Variants in PKNOX2 observed in about 807,000 individuals in gnomAD.
PKNOX2 encodes the protein PBX/knotted 1 homeobox 2.
Under a neutral mutation model 53.1 loss-of-function variants are expected in PKNOX2, and 14 were observed. That is an observed-to-expected ratio of 0.26 (90% CI 0.17 to 0.41). The LOEUF (loss-of-function observed/expected upper bound fraction) is 0.41. Among genes scored for constraint, PKNOX2 ranks in the 10% least tolerant of loss-of-function variants. The pLI is 1.00. For missense variants in PKNOX2, 496 were observed against 602.8 expected (o/e 0.82, Z 1.85); for synonymous variants, 257 against 242.8 (o/e 1.06, Z -0.54).
intron 1 of PKNOX2, among the ~76,000 whole-genome samples, chr11:125,199,093 G>A (rs1243278750): frequency 2.6e-5 from 4 of 152,000 alleles, no homozygotes; most frequent in Non-Finnish European, 4.4e-5. Context: ...TGCCCTCCTC[G>A]GCCTCCCAAA....
intron 2 of PKNOX2, among the ~76,000 whole-genome samples, chr11:125,246,024 G>T (rs2135637269): frequency 6.6e-6 from 1 of 152,324 alleles, no homozygotes; most frequent in Admixed American, 6.5e-5. Flanking sequence ...CCAGACCTCA[G>T]GAAGAAGAAC....
intron 7 of PKNOX2, among the ~76,000 whole-genome samples, chr11:125,406,380 G>A (rs1361592778): frequency 1.3e-5 from 2 of 152,164 alleles, no homozygotes; most frequent in East Asian, 1.9e-4. Flanking sequence ...CAGACAGGGA[G>A]ACATGTAGCC....
At chr11:125,379,304 C>T (rs1362875153) in intron 5 of PKNOX2, among the ~76,000 whole-genome samples, 1 of 152,096 alleles carries the variant, frequency 6.6e-6, no homozygotes, top group Non-Finnish European at 1.5e-5. Flanking sequence ...TAAGGTAATC[C>T]ACCCGCCTCA....
chr11:125,203,133 G>A (rs1477289326), intron 1 of PKNOX2, among the ~76,000 whole-genome samples: 1 of 152,074 alleles, frequency 6.6e-6, no homozygotes, highest in Non-Finnish European at 1.5e-5. Flanking sequence ...CCTCACCTCT[G>A]GCCTCTAAAT....
chr11:125,390,120 G>T (rs917892269), intron 6 of PKNOX2, among the ~76,000 whole-genome samples: 6 of 152,194 alleles, frequency 3.9e-5, no homozygotes, highest in Non-Finnish European at 8.8e-5. Context: ...AAAGGAAATG[G>T]GAATCCTCAA....
chr11:125,353,938 G>A (rs1246300660), intron 4 of PKNOX2, among the ~76,000 whole-genome samples: 1 of 152,122 alleles, frequency 6.6e-6, no homozygotes, highest in Non-Finnish European at 1.5e-5. Context: ...TGGGAGGGAT[G>A]GGGGAGCTGG....
chr11:125,362,495 T>C (rs932751171), intron 4 of PKNOX2, among the ~76,000 whole-genome samples: 1 of 152,090 alleles, frequency 6.6e-6, no homozygotes, highest in East Asian at 1.9e-4. Context: ...TGCCTCAGCC[T>C]CTCGAGTAGC....
chr11:125,399,720 G>A (rs1304769179), intron 7 of PKNOX2, among the ~76,000 whole-genome samples: 1 of 152,126 alleles, frequency 6.6e-6, no homozygotes, highest in Non-Finnish European at 1.5e-5. Context: ...AAATAATCAG[G>A]TCCTTGGAGA....
chr11:125,208,420 T>C (rs1011232916), intron 1 of PKNOX2, among the ~76,000 whole-genome samples: 1 of 152,048 alleles, frequency 6.6e-6, no homozygotes, highest in African/African-American at 2.4e-5. Context: ...TGCAAGTTTT[T>C]GATATAAGGA....
chr11:125,432,245 C>T lies in PKNOX2; in HGVS notation c.*853C>T, dbSNP rs1201080913. ...GAACTTAGCTCCTTTAACAACAGGACAATGGTTTTTTACCCTAGATGTTCC... is the reference window on the plus strand; with the variant it reads ...GAACTTAGCTCCTTTAACAACAGGATAATGGTTTTTTACCCTAGATGTTCC... On this transcript the variant is annotated 3_prime_UTR_variant, in exon 13 of 13. Transcript: ENST00000298282. The T allele has an allele frequency of 7.2e-6, 1 of 139,108 alleles. No homozygotes were observed. The highest frequency in any genetic ancestry group is 1.6e-5 in the Non-Finnish European group (1 of 61,900). 8.6% of individuals were successfully genotyped at this position (139,108 alleles called of 1,614,324 possible). A position where few individuals can be genotyped will look rare whatever the true frequency, so the allele number is the denominator to read the frequency against.
intron 2 of PKNOX2, among the ~76,000 whole-genome samples, chr11:125,310,208 A>C (rs12284715): frequency 0.23 from 35,388 of 151,900 alleles, 4,832 homozygotes; most frequent in East Asian, 0.51. Flanking sequence ...CATAAATAAT[A>C]CTATTAGGCC....
rs1479766416 is a variant in PKNOX2 at position 125,429,048 on chromosome 11, G to A, written c.973G>A (p.Ala325Thr). 8.1e-6 allele frequency: 13 copies of A among 1,613,766 alleles called. No homozygotes were observed. The highest frequency in any genetic ancestry group is 2.2e-5 in the East Asian group (1 of 44,888). The change falls in exon 11 of 13, where the codon GCA becomes ACA. Residue 325 changes from alanine (A) to threonine (T), a missense_variant. Coordinates refer to ENST00000298282, the MANE Select transcript of PKNOX2 (RefSeq NM_001382323.2). ...YPTEDEKRQI[A>T]AQTNLTLLQV... is the part of the protein sequence containing the mutation. ...CACGGAGGATGAGAAGAGGCAGATC[G>A]CAGCCCAGACCAACCTCACCCTCCT...
At position 125,422,674 on chromosome 11, in the gene PKNOX2, G is replaced by A. The variant is rs1201446251; in HGVS notation, c.937-6338G>A. On this transcript the variant is annotated intron_variant, in intron 10 of 12. Transcript: ENST00000298282. The surrounding 1 kb of genome is among the most constrained non-coding windows in gnomAD (Gnocchi z 4.1). ...GCAAGAGACCCCTGGGTTGCACTGA[G>A]CCCCAGGACACCCCAGAGGGCTGCA... is the stretch of plus-strand genomic sequence containing the variant. Among the ~76,000 whole-genome samples, 1 of 152,196 alleles carries A rather than the reference G, an allele frequency of 6.6e-6. No homozygotes were observed. Among genetic ancestry groups the A allele is most frequent in the African/African-American group, 2.4e-5 (1 of 41,436 alleles).
chr11:125,197,304 C>T (rs1937832864), intron 1 of PKNOX2, among the ~76,000 whole-genome samples: 1 of 152,140 alleles, frequency 6.6e-6, no homozygotes, highest in Admixed American at 6.5e-5. Context: ...TTAATTACTG[C>T]CCAGGCTTAG....
At chr11:125,259,271 T>G (rs1326937090) in intron 2 of PKNOX2, among the ~76,000 whole-genome samples, 1 of 152,230 alleles carries the variant, frequency 6.6e-6, no homozygotes, top group Admixed American at 6.5e-5. Flanking sequence ...ATTCATGCAT[T>G]CATTCATTCA....
At chr11:125,346,439 G>A (rs1950973326) in intron 3 of PKNOX2, among the ~76,000 whole-genome samples, 1 of 152,208 alleles carries the variant, frequency 6.6e-6, no homozygotes, top group Non-Finnish European at 1.5e-5. Context: ...AGTCCGAGAG[G>A]GAAAGTGACT....
At chr11:125,279,420 T>C (rs1288372762) in intron 2 of PKNOX2, among the ~76,000 whole-genome samples, 1 of 152,152 alleles carries the variant, frequency 6.6e-6, no homozygotes, top group Non-Finnish European at 1.5e-5. Flanking sequence ...ACCCGAGAAG[T>C]ATTTTAATTC....
At chr11:125,382,440 A>G (rs998155806) in intron 5 of PKNOX2, among the ~76,000 whole-genome samples, 2 of 151,966 alleles carry the variant, frequency 1.3e-5, no homozygotes, top group South Asian at 2.1e-4. Flanking sequence ...CACCCCCACC[A>G]CCTGGCACGA....
intron 1 of PKNOX2, among the ~76,000 whole-genome samples, chr11:125,214,639 G>A (rs1052491793): frequency 6.6e-6 from 1 of 152,070 alleles, no homozygotes; most frequent in Non-Finnish European, 1.5e-5. Flanking sequence ...CCTGCTGTCA[G>A]CACCCCCTAG....
Sources: allele counts gnomAD v4.1 joint callset (sites outside exome capture counted in the v4.1 genomes callset), GRCh38; gene constraint gnomAD v4.1.1; non-coding constraint Gnocchi (gnomAD v3.1); transcripts MANE v1.5; gene names NCBI Gene and HGNC (gene_info 2026-07-23, HGNC 2026-07-21).